Variants in ELMO1 observed in about 807,000 individuals in gnomAD.
ELMO1 encodes engulfment and cell motility 1, also known as engulfment and cell motility protein 1.
A neutral mutation model predicts 98.9 loss-of-function variants in ELMO1; 26 were observed. That is an observed-to-expected ratio of 0.26 (90% CI 0.19 to 0.36). ELMO1 has a LOEUF of 0.36. Ranked by LOEUF, ELMO1 falls within the 10% of genes least tolerant of loss-of-function variation. The pLI is 1.00. For synonymous variants in ELMO1, 346 were observed against 346.0 expected (o/e 1.00, Z 0.00); for missense variants, 627 against 935.2 (o/e 0.67, Z 4.30).
At chr7:36,864,447 G>A (rs996499796) in intron 20 of ELMO1, among the ~76,000 whole-genome samples, 1 of 152,210 alleles carries the variant, frequency 6.6e-6, no homozygotes, top group Admixed American at 6.5e-5. Flanking sequence ...CTGCCTGGGA[G>A]GGGGTGGGAG....
At chr7:36,880,632 A>G (rs1804377567) in intron 18 of ELMO1, among the ~76,000 whole-genome samples, 2 of 152,250 alleles carry the variant, frequency 1.3e-5, no homozygotes, top group Non-Finnish European at 2.9e-5. Flanking sequence ...GACAAGGCCA[A>G]GGAGTTCAAG....
In ELMO1 at chr7:37,211,269, G is replaced by A. The variant is rs544530632; in HGVS notation, c.1086+117C>T. 21 of 1,439,022 alleles carry A rather than the reference G, an allele frequency of 1.5e-5. No individual in the cohort carries two copies. The East Asian group carries it at 4.5e-4, about 31-fold the overall frequency. The allele number at this position is 1,439,022 out of a possible 1,614,324, so 89.1% of individuals were successfully genotyped here. A position where few individuals can be genotyped will look rare whatever the true frequency, so the allele number is the denominator to read the frequency against. ...AACCAGCTAAACATCTGGAAATGTGGAAACTATTCCGTAAAGCGCAAGAGG... is the reference window on the plus strand; with the variant it reads ...AACCAGCTAAACATCTGGAAATGTGAAAACTATTCCGTAAAGCGCAAGAGG... On this transcript the variant is annotated intron_variant, in intron 13 of 21. Coordinates refer to ENST00000310758, the MANE Select transcript of ELMO1 (RefSeq NM_014800.11).
At chr7:37,208,007 C>T (rs571247270) in intron 13 of ELMO1, among the ~76,000 whole-genome samples, 1 of 152,204 alleles carries the variant, frequency 6.6e-6, no homozygotes, top group African/African-American at 2.4e-5. Context: ...GAATGTGATG[C>T]CCATCTGCCT....
intron 4 of ELMO1, among the ~76,000 whole-genome samples, chr7:37,295,384 A>G: frequency 6.6e-6 from 1 of 152,230 alleles, no homozygotes. Context: ...TATGTTTGAA[A>G]TATTGTATGA....
chr7:36,878,797 A>G (rs1804178483), intron 18 of ELMO1, among the ~76,000 whole-genome samples: 3 of 152,226 alleles, frequency 2.0e-5, no homozygotes, highest in Admixed American at 2.0e-4. Flanking sequence ...ATCCTTATAA[A>G]CAACTTCCTC....
chr7:37,391,463 T>C lies in ELMO1; in HGVS notation c.-73-48700A>G, dbSNP rs193097131. Among the ~76,000 whole-genome samples the C allele has an allele frequency of 1.8e-4, 27 of 152,334 alleles. No individual in the cohort carries two copies. The South Asian group carries it at 2.3e-3, about 13-fold the overall frequency. ...CATTTGTGTGCAAGGCCTTATAATA[T>C]TATGACAAAATATAAAATATAAAAT... On this transcript the variant is annotated intron_variant, in intron 1 of 21. Coordinates refer to ENST00000310758, the MANE Select transcript of ELMO1 (RefSeq NM_014800.11).
chr7:37,206,661 A>T (rs1222911919), intron 13 of ELMO1, among the ~76,000 whole-genome samples: 3 of 152,222 alleles, frequency 2.0e-5, no homozygotes, highest in Admixed American at 6.5e-5. Flanking sequence ...CCTCTTAAAA[A>T]TTTGAACATG....
intron 13 of ELMO1, among the ~76,000 whole-genome samples, chr7:37,180,235 A>G (rs1014972641): frequency 1.3e-5 from 2 of 152,184 alleles, no homozygotes; most frequent in African/African-American, 4.8e-5. Context: ...GGACAGCTTT[A>G]CAATGTAAGG....
chr7:37,325,195 A>T (rs960178532), intron 2 of ELMO1, among the ~76,000 whole-genome samples: 7 of 152,208 alleles, frequency 4.6e-5, no homozygotes, highest in Non-Finnish European at 5.9e-5. Context: ...CCAGCCCCCG[A>T]TGCTGCCTTT....
At chr7:37,190,424 A>G (rs1008058418) in intron 13 of ELMO1, among the ~76,000 whole-genome samples, 1 of 152,250 alleles carries the variant, frequency 6.6e-6, no homozygotes. Context: ...ACGGTCTATC[A>G]GATGAAGCTA....
intron 1 of ELMO1, among the ~76,000 whole-genome samples, chr7:37,390,006 A>G (rs1394488928): frequency 6.6e-6 from 1 of 152,180 alleles, no homozygotes; most frequent in African/African-American, 2.4e-5. Context: ...TAGCGCTTTC[A>G]TCCCCTGAGA....
intron 14 of ELMO1, among the ~76,000 whole-genome samples, chr7:37,109,588 T>C (rs568664323): frequency 6.6e-6 from 1 of 152,252 alleles, no homozygotes; most frequent in African/African-American, 2.4e-5. Context: ...AGGGACAATC[T>C]GTGAAGGGGC....
chr7:37,359,682 T>C lies in ELMO1; in HGVS notation c.-73-16919A>G, dbSNP rs544483215. Among the ~76,000 whole-genome samples the C allele has an allele frequency of 3.8e-3, 580 of 152,312 alleles. 4 individuals carry two copies. The highest frequency in any genetic ancestry group is 6.2e-3 in the Non-Finnish European group (421 of 68,028). On this transcript the variant is annotated intron_variant, in intron 1 of 21. Transcript: ENST00000310758. ...AAGGCAGTGTTCTGAACCATTACCC[T>C]AAACTTCCTTGGACCTTAATATGCA...
chr7:37,018,859 A>T (rs968111419), intron 15 of ELMO1, among the ~76,000 whole-genome samples: 1 of 152,202 alleles, frequency 6.6e-6, no homozygotes, highest in African/African-American at 2.4e-5. Context: ...CATTCTCAGC[A>T]CATTATATAG....
At chr7:37,000,126 G>A (rs894422832) in intron 16 of ELMO1, among the ~76,000 whole-genome samples, 6 of 152,114 alleles carry the variant, frequency 3.9e-5, no homozygotes, top group African/African-American at 1.4e-4. Flanking sequence ...AACACACGTT[G>A]GGGCAAAAGT....
At chr7:37,042,413 T>C (rs538926328) in intron 15 of ELMO1, among the ~76,000 whole-genome samples, 28 of 152,240 alleles carry the variant, frequency 1.8e-4, no homozygotes, top group Non-Finnish European at 3.2e-4. Context: ...TAGGCACTGA[T>C]TTCTCTTAGT....
intron 6 of ELMO1, among the ~76,000 whole-genome samples, chr7:37,256,091 C>T (rs2130777247): frequency 6.6e-6 from 1 of 152,306 alleles, no homozygotes; most frequent in African/African-American, 2.4e-5. Context: ...ATTCCTTTGT[C>T]AAGCTCCTTG....
intron 16 of ELMO1, among the ~76,000 whole-genome samples, chr7:36,956,147 A>C (rs943884568): frequency 3.2e-4 from 48 of 152,296 alleles, no homozygotes; most frequent in African/African-American, 1.2e-3. Flanking sequence ...TGAAGGCTAC[A>C]TATATTTCTT....
intron 19 of ELMO1, among the ~76,000 whole-genome samples, chr7:36,872,986 G>T (rs1209661728): frequency 6.6e-6 from 1 of 152,114 alleles, no homozygotes; most frequent in East Asian, 1.9e-4. Context: ...AGTCTGTCCT[G>T]GGGGGTGGTC....
Sources: allele counts gnomAD v4.1 joint callset (sites outside exome capture counted in the v4.1 genomes callset), GRCh38; gene constraint gnomAD v4.1.1; transcripts MANE v1.5; gene names NCBI Gene and HGNC (gene_info 2026-07-23, HGNC 2026-07-21).